The following MLLT3 variants were observed in gnomAD, a reference collection of about 807,000 sequenced individuals.
MLLT3 encodes MLLT3 super elongation complex subunit, also known as protein AF-9.
Under a neutral mutation model 53.2 loss-of-function variants are expected in MLLT3, and 4 were observed. The observed-to-expected ratio is 0.08, with a 90% CI of 0.04 to 0.17. The LOEUF (loss-of-function observed/expected upper bound fraction) is 0.17, where lower values mean the gene tolerates loss of function less well. MLLT3 is among the 10% of genes least tolerant of loss of function. The pLI, the probability that MLLT3 is intolerant of heterozygous loss-of-function variation, is 1.00. For missense variants in MLLT3, 569 were observed against 684.0 expected, an observed-to-expected ratio of 0.83 and a Z score of 1.87; for synonymous variants, 283 against 230.6, an observed-to-expected ratio of 1.23 and a Z score of -2.06.
chr9:20,414,512 T>C lies in MLLT3; in HGVS notation c.421-87A>G. On this transcript the variant is annotated intron_variant, in intron 4 of 10. Coordinates refer to ENST00000380338, the MANE Select transcript of MLLT3 (RefSeq NM_004529.4). ...AGATCTACATAAAATGATCCTTCTT[T>C]GATTCCTCTCAAGCTATCATTAAAA... 15 of 1,567,370 alleles carry C rather than the reference T, an allele frequency of 9.6e-6. No individual in the cohort carries two copies. The South Asian group carries it at 1.5e-4, about 16-fold the overall frequency.
Position 20,346,259 on chromosome 9 carries a change from G to C in MLLT3, c.*184C>G. 1 of 605,598 alleles carries C rather than the reference G, an allele frequency of 1.7e-6. No individual in the cohort carries two copies. The highest frequency in any genetic ancestry group is 2.7e-6 in the Non-Finnish European group (1 of 375,588). 37.5% of individuals were successfully genotyped at this position (605,598 alleles called of 1,614,324 possible). On this transcript the variant is annotated 3_prime_UTR_variant, in exon 11 of 11. Coordinates refer to ENST00000380338, the MANE Select transcript of MLLT3 (RefSeq NM_004529.4). ...TTTGCTTTAACCTCTCCTTTATCAA[G>C]AGATGATGACTGGCTTTAAAGAAAA...
intron 5 of MLLT3, among the ~76,000 whole-genome samples, chr9:20,396,577 A>G (rs1248908203): frequency 6.6e-6 from 1 of 152,082 alleles, no homozygotes; most frequent in Non-Finnish European, 1.5e-5. Context: ...TCACCAAAAT[A>G]TGGACAATCT....
intron 2 of MLLT3, among the ~76,000 whole-genome samples, chr9:20,477,111 G>T (rs1824540366): frequency 6.6e-6 from 1 of 151,906 alleles, no homozygotes; most frequent in Non-Finnish European, 1.5e-5. Flanking sequence ...ATGAATGTCG[G>T]AGGGATTCCA....
At chr9:20,553,056 T>G (rs1563814356) in intron 2 of MLLT3, among the ~76,000 whole-genome samples, 1 of 152,220 alleles carries the variant, frequency 6.6e-6, no homozygotes, top group Non-Finnish European at 1.5e-5. Context: ...TATGAGAATC[T>G]GATCTTTTAT....
chr9:20,486,229 T>C (rs1824808321), intron 2 of MLLT3, among the ~76,000 whole-genome samples: 1 of 152,162 alleles, frequency 6.6e-6, no homozygotes, highest in East Asian at 1.9e-4. Flanking sequence ...CAAAAATATA[T>C]AGCTTTTCCT....
rs373404763 is a variant in MLLT3, at chr9:20,547,210, T to G, written c.193+73444A>C. ...TTCTTGTACTCATATACTTTTTTTT[T>G]TCCTGTAGAGATGAGGTCTTACCAT... On this transcript the variant is annotated intron_variant, in intron 2 of 10. Transcript: ENST00000380338. Among the ~76,000 whole-genome samples the G allele has an allele frequency of 6.6e-5, 10 of 152,234 alleles. No homozygotes were observed. The East Asian group carries it at 1.4e-3, about 21-fold the overall frequency.
intron 2 of MLLT3, among the ~76,000 whole-genome samples, chr9:20,569,724 G>T (rs938208448): frequency 3.2e-4 from 49 of 152,232 alleles, no homozygotes; most frequent in South Asian, 1.4e-3. Flanking sequence ...CCAAATCCCA[G>T]TTTCTCCACT....
intron 2 of MLLT3, among the ~76,000 whole-genome samples, chr9:20,599,451 A>C (rs1242842761): frequency 9.2e-6 from 1 of 109,256 alleles, no homozygotes; most frequent in Non-Finnish European, 2.0e-5. Context: ...ATTAGTAACC[A>C]GATGTTTAAA....
chr9:20,462,458 A>G (rs1824134389), intron 2 of MLLT3, among the ~76,000 whole-genome samples: 2 of 152,174 alleles, frequency 1.3e-5, no homozygotes. Flanking sequence ...AAGGAACTGT[A>G]GCCACCCAAT....
chr9:20,568,344 T>C (rs1819438449), intron 2 of MLLT3, among the ~76,000 whole-genome samples: 2 of 152,162 alleles, frequency 1.3e-5, no homozygotes, highest in Admixed American at 1.3e-4. Flanking sequence ...TAAATTTCCA[T>C]AATACAAGGC....
chr9:20,499,281 C>T (rs1315105911), intron 2 of MLLT3, among the ~76,000 whole-genome samples: 3 of 152,128 alleles, frequency 2.0e-5, no homozygotes, highest in Non-Finnish European at 4.4e-5. Flanking sequence ...AGGTCACATT[C>T]AAAGGTACCT....
At chr9:20,397,813 T>C (rs937511676) in intron 5 of MLLT3, among the ~76,000 whole-genome samples, 1 of 152,146 alleles carries the variant, frequency 6.6e-6, no homozygotes, top group Non-Finnish European at 1.5e-5. Flanking sequence ...TTGGGTATAA[T>C]TTTTGTCTCA....
At chr9:20,512,651 T>C (rs917353879) in intron 2 of MLLT3, among the ~76,000 whole-genome samples, 4 of 152,246 alleles carry the variant, frequency 2.6e-5, no homozygotes, top group Non-Finnish European at 5.9e-5. Flanking sequence ...GTTATGTCAT[T>C]AAGCAAAGTT....
intron 2 of MLLT3, among the ~76,000 whole-genome samples, chr9:20,590,906 A>T (rs1820111781): frequency 6.7e-6 from 1 of 148,568 alleles, no homozygotes; most frequent in Non-Finnish European, 1.5e-5. Context: ...TACTTAGCTA[A>T]TTTTTTTTTT....
intron 2 of MLLT3, among the ~76,000 whole-genome samples, chr9:20,491,051 G>A (rs1164671288): frequency 6.6e-6 from 1 of 152,034 alleles, no homozygotes; most frequent in Non-Finnish European, 1.5e-5. Context: ...AAATGAAAAG[G>A]TTCTCTAAAT....
chr9:20,428,500 A>G (rs557252192), intron 4 of MLLT3, among the ~76,000 whole-genome samples: 2 of 152,194 alleles, frequency 1.3e-5, no homozygotes, highest in African/African-American at 2.4e-5. Context: ...AAAAATTTTC[A>G]ACTTCATCAC....
intron 2 of MLLT3, among the ~76,000 whole-genome samples, chr9:20,459,591 C>T (rs900466378): frequency 1.3e-5 from 2 of 152,158 alleles, no homozygotes; most frequent in African/African-American, 4.8e-5. Flanking sequence ...GCTGCACATG[C>T]CAGAGAAGTT....
chr9:20,404,781 T>C (rs958287550), intron 5 of MLLT3, among the ~76,000 whole-genome samples: 1 of 152,154 alleles, frequency 6.6e-6, no homozygotes, highest in Non-Finnish European at 1.5e-5. Flanking sequence ...ACTGGGATTA[T>C]AGGCTTCAGC....
chr9:20,363,711 A>C (rs1821382369), intron 6 of MLLT3, 106 bp from the exon 7 acceptor site: 1 of 1,023,350 alleles, frequency 9.8e-7, no homozygotes, highest in Non-Finnish European at 1.3e-6. Context: ...GGTTAAAAAT[A>C]ATCATCATAT....
Sources: gnomAD v4.1 joint callset for allele counts (sites outside exome capture counted in the v4.1 genomes callset) on GRCh38, gnomAD v4.1.1 for gene constraint, MANE v1.5 for transcripts, NCBI Gene and HGNC (gene_info 2026-07-23, HGNC 2026-07-21) for gene names.